The following PLXNA4 variants were observed in gnomAD, a reference collection of about 807,000 sequenced individuals.
PLXNA4 encodes plexin A4.
A neutral mutation model predicts 191.8 loss-of-function variants in PLXNA4; 44 were observed. The ratio of observed to expected loss-of-function variants is 0.23; its 90% CI spans 0.18 to 0.29. The LOEUF (loss-of-function observed/expected upper bound fraction) is 0.29. PLXNA4 is among the 10% of genes least tolerant of loss of function. The pLI, the probability that PLXNA4 is intolerant of heterozygous loss-of-function variation, is 1.00. For missense variants in PLXNA4, 1,800 were observed against 2,488.8 expected, an observed-to-expected ratio of 0.72 and a Z score of 5.89; for synonymous variants, 1,082 against 1,009.5, an observed-to-expected ratio of 1.07 and a Z score of -1.36.
intron 2 of PLXNA4, among the ~76,000 whole-genome samples, chr7:132,592,035 A>C (rs1352242662): frequency 6.6e-6 from 1 of 152,146 alleles, no homozygotes; most frequent in African/African-American, 2.4e-5. Flanking sequence ...CAAGGAGAGG[A>C]GGAGAAGCAA....
chr7:132,461,536 C>T (rs183843583), intron 3 of PLXNA4, among the ~76,000 whole-genome samples: 60 of 152,282 alleles, frequency 3.9e-4, no homozygotes, highest in Admixed American at 6.5e-4. Context: ...AAAAGCCTTT[C>T]CTGCATTGAA....
intron 3 of PLXNA4, among the ~76,000 whole-genome samples, chr7:132,326,176 G>A (rs895479556): frequency 6.6e-6 from 1 of 152,138 alleles, no homozygotes; most frequent in Non-Finnish European, 1.5e-5. Flanking sequence ...CCCTGTCTCT[G>A]CCTGCCTGTC....
At chr7:132,257,349 G>A (rs1023912123) in intron 4 of PLXNA4, among the ~76,000 whole-genome samples, 2 of 152,126 alleles carry the variant, frequency 1.3e-5, no homozygotes, top group Admixed American at 6.5e-5. Context: ...CCCTCACAAG[G>A]TCTGTCTCCT....
At chr7:132,583,407 T>C (rs1802444508) in intron 2 of PLXNA4, among the ~76,000 whole-genome samples, 1 of 152,208 alleles carries the variant, frequency 6.6e-6, no homozygotes, top group Non-Finnish European at 1.5e-5. Flanking sequence ...ATCGTCCACT[T>C]TCCCTCCACA....
chr7:132,189,000 G>GGAAAGGA (rs1796988049), intron 14 of PLXNA4, among the ~76,000 whole-genome samples: 2 of 14,756 alleles, frequency 1.4e-4, no homozygotes, highest in Admixed American at 6.9e-4. Flanking sequence ...AAAGGAGAGA[G>GGAAAGGA]AGAGAGAGAG....
intron 4 of PLXNA4, among the ~76,000 whole-genome samples, chr7:132,260,484 G>T (rs1410183394): frequency 1.3e-5 from 2 of 152,100 alleles, no homozygotes; most frequent in Non-Finnish European, 2.9e-5. Context: ...TAAAGATAAA[G>T]ACGGGAACAA....
At chr7:132,450,111 G>A (rs1477846670) in intron 3 of PLXNA4, among the ~76,000 whole-genome samples, 2 of 152,198 alleles carry the variant, frequency 1.3e-5, no homozygotes, top group East Asian at 1.9e-4. Context: ...ACATACAGGT[G>A]AGCACACTGA....
Position 132,128,258 on chromosome 7 carries a change from A to G in PLXNA4, c.*2221T>C, listed in dbSNP as rs1368999160. The stretch of plus-strand genomic sequence containing the variant: ...GTCAAGCTTCTCCACCTGGTACTGC[A>G]CTTGCCAAAACCTTTGGTTATTTAT... On this transcript the variant is annotated 3_prime_UTR_variant, in exon 32 of 32. Coordinates refer to ENST00000321063, the MANE Select transcript of PLXNA4 (RefSeq NM_020911.2). The G allele has an allele frequency of 6.6e-6, 1 of 152,216 alleles. No individual in the cohort carries two copies. The highest frequency in any genetic ancestry group is 1.9e-4 in the East Asian group (1 of 5,192). 9.4% of individuals were successfully genotyped at this position (152,216 alleles called of 1,614,324 possible). A position where few individuals can be genotyped will look rare whatever the true frequency, so the allele number is the denominator to read the frequency against.
At chr7:132,299,525 G>A (rs1002776728) in intron 3 of PLXNA4, among the ~76,000 whole-genome samples, 1 of 152,138 alleles carries the variant, frequency 6.6e-6, no homozygotes, top group Non-Finnish European at 1.5e-5. Context: ...TTTTGGGTTT[G>A]TTCTGGACTC....
At chr7:132,273,171 G>A (rs151061952) in intron 4 of PLXNA4, among the ~76,000 whole-genome samples, 133 of 152,274 alleles carry the variant, frequency 8.7e-4, no homozygotes, top group Non-Finnish European at 3.4e-4. Context: ...TGGAGCAGAT[G>A]TCATCCACTC....
intron 1 of PLXNA4, among the ~76,000 whole-genome samples, chr7:132,547,428 G>A (rs1234743950): frequency 6.6e-6 from 1 of 152,128 alleles, no homozygotes; most frequent in East Asian, 1.9e-4. Context: ...TCAGTTTCTA[G>A]GTCTTTGTAT....
In PLXNA4 at chr7:132,211,079, G is replaced by T; in HGVS notation, c.2162C>A (p.Thr721Lys). The change falls in exon 10 of 32, where the codon ACG (threonine) becomes AAG (lysine). Residue 721 changes from threonine (T) to lysine (K), a missense_variant. By Grantham distance (78) the Thr-to-Lys change is moderately conservative (BLOSUM62 -1). Around this residue, in one of 6 missense-constraint regions of PLXNA4, gnomAD observed 1,397 missense variants for 1,880.4 expected, o/e 0.74. Transcript: ENST00000321063. Reference protein sequence around the residue: ...LVPVEVIKPITLKAKNLPQPQ... With the variant: ...LVPVEVIKPIKLKAKNLPQPQ... ...CTGGGGGAGGTTCTTGGCCTTCAGCGTGATAGGCTTGATCACCTCCACGGG... is the reference window on the plus strand; with the variant it reads ...CTGGGGGAGGTTCTTGGCCTTCAGCTTGATAGGCTTGATCACCTCCACGGG... 6.2e-7 allele frequency: 1 copy of T among 1,603,004 alleles called. No homozygotes were observed. The highest frequency in any genetic ancestry group is 8.5e-7 in the Non-Finnish European group (1 of 1,174,582).
chr7:132,439,838 A>G (rs1299142210), intron 3 of PLXNA4, among the ~76,000 whole-genome samples: 1 of 152,178 alleles, frequency 6.6e-6, no homozygotes, highest in African/African-American at 2.4e-5. Context: ...GTAGGGCACT[A>G]CTAGAGAGAG....
chr7:132,201,359 A>G (rs1797427315), intron 12 of PLXNA4, among the ~76,000 whole-genome samples: 1 of 152,168 alleles, frequency 6.6e-6, no homozygotes, highest in South Asian at 2.1e-4. Context: ...AGTTGTTTGG[A>G]CTGACAAGGT....
Position 132,508,834 on chromosome 7 carries a change from C to T in PLXNA4, c.-86-55G>A, listed in dbSNP as rs796883448. 2 of 1,398,620 alleles carry T rather than the reference C, an allele frequency of 1.4e-6. No individual in the cohort carries two copies. The highest frequency in any genetic ancestry group is 2.9e-5 in the African/African-American group (2 of 68,966). 86.6% of individuals were successfully genotyped at this position (1,398,620 alleles called of 1,614,324 possible). A position where few individuals can be genotyped will look rare whatever the true frequency, so the allele number is the denominator to read the frequency against. On this transcript the variant is annotated intron_variant, in intron 1 of 31. Transcript: ENST00000321063. This position sits in a 1 kb window ranked among gnomAD's most constrained non-coding sequence, Gnocchi z 4.4. Reference sequence around the variant, plus strand: ...AACAATGCCAGTGGCTTCATTTCACCCCACAGCTTGTCTGCCTGGACTTTC... The same window carrying T: ...AACAATGCCAGTGGCTTCATTTCACTCCACAGCTTGTCTGCCTGGACTTTC...
At chr7:132,541,849 T>G (rs1585304405) in intron 1 of PLXNA4, among the ~76,000 whole-genome samples, 1 of 152,338 alleles carries the variant, frequency 6.6e-6, no homozygotes, top group Non-Finnish European at 1.5e-5. Context: ...CCGCAGGCAT[T>G]TAAGGCATCT....
chr7:132,375,675 G>C (rs1285451313), intron 3 of PLXNA4, among the ~76,000 whole-genome samples: 2 of 152,118 alleles, frequency 1.3e-5, no homozygotes, highest in African/African-American at 4.8e-5. Flanking sequence ...AGGACAGGAA[G>C]GACAGATCAA....
At chr7:132,319,970 T>A (rs997456099) in intron 3 of PLXNA4, among the ~76,000 whole-genome samples, 3 of 152,186 alleles carry the variant, frequency 2.0e-5, no homozygotes, top group Admixed American at 1.3e-4. Context: ...CTCAGACACC[T>A]GAGTTGGACT....
intron 3 of PLXNA4, among the ~76,000 whole-genome samples, chr7:132,461,963 A>G (rs1284232846): frequency 6.6e-6 from 1 of 152,280 alleles, no homozygotes; most frequent in Non-Finnish European, 1.5e-5. Flanking sequence ...ACAATGTTGC[A>G]GATCTATGAG....
Sources: allele counts gnomAD v4.1 joint callset (sites outside exome capture counted in the v4.1 genomes callset), GRCh38; gene constraint gnomAD v4.1.1; regional missense constraint gnomAD v4.1.1; non-coding constraint Gnocchi (gnomAD v3.1); transcripts MANE v1.5; gene names NCBI Gene and HGNC (gene_info 2026-07-23, HGNC 2026-07-21).